The following RFTN1 variants were observed in gnomAD, a reference collection of about 807,000 sequenced individuals.
RFTN1 encodes raftlin, lipid raft linker 1.
RFTN1 carries 26 observed loss-of-function variants against 46.5 expected under a neutral mutation model. The ratio of observed to expected loss-of-function variants is 0.56; its 90% CI spans 0.41 to 0.78. The LOEUF (loss-of-function observed/expected upper bound fraction) is 0.78, where lower values mean the gene tolerates loss of function less well. Among genes scored for constraint, RFTN1 ranks in the 30% least tolerant of loss-of-function variants. The pLI is 0.00. For synonymous variants in RFTN1, 261 were observed against 284.2 expected, an observed-to-expected ratio of 0.92 and a Z score of 0.82; for missense variants, 693 against 718.7, an observed-to-expected ratio of 0.96 and a Z score of 0.41.
intron 2 of RFTN1, among the ~76,000 whole-genome samples, chr3:16,488,724 T>C (rs1575362761): frequency 6.6e-6 from 1 of 152,192 alleles, no homozygotes; most frequent in Non-Finnish European, 1.5e-5. Context: ...TTCGAATTCT[T>C]CCCCCAACCA....
Position 16,507,305 on chromosome 3 carries a change from G to A in RFTN1, c.-9+6137C>T, listed in dbSNP as rs1359940675. Among the ~76,000 whole-genome samples the A allele has an allele frequency of 1.3e-5, 2 of 152,076 alleles. No homozygotes were observed. The highest frequency in any genetic ancestry group is 3.8e-4 in the East Asian group (2 of 5,202). On this transcript the variant is annotated intron_variant, in intron 1 of 9. Transcript: ENST00000334133. This position sits in a 1 kb window ranked among gnomAD's most constrained non-coding sequence, Gnocchi z 7.1. ...AGTCATGATTATGCCACACTGAAAA[G>A]GGCACTTATAAGGTATCATAAGACA...
At position 16,479,683 on chromosome 3, in the gene RFTN1, C is replaced by T. The variant is rs1403346882; in HGVS notation, c.145+14042G>A. On this transcript the variant is annotated intron_variant, in intron 2 of 9. Coordinates refer to ENST00000334133, the MANE Select transcript of RFTN1 (RefSeq NM_015150.2). The surrounding 1 kb of genome is among the most constrained non-coding windows in gnomAD (Gnocchi z 5.1). ...ATCTATTAAGGCCTTAAAAGTTCAG[C>T]CTGTTGGCATCAGCAGCCCTGATGA... 1.3e-5 allele frequency among the ~76,000 whole-genome samples: 2 copies of T among 152,184 alleles called. No individual in the cohort carries two copies. Among genetic ancestry groups the T allele is most frequent in the Non-Finnish European group, 2.9e-5 (2 of 68,028 alleles).
At chr3:16,469,323 C>T (rs778551716) in intron 2 of RFTN1, among the ~76,000 whole-genome samples, 2 of 152,176 alleles carry the variant, frequency 1.3e-5, no homozygotes, top group East Asian at 1.9e-4. Context: ...CTATGTGAGT[C>T]GGTTGTTGTT....
Position 16,499,711 on chromosome 3 carries a change from G to A in RFTN1, c.-8-5834C>T, listed in dbSNP as rs2076680646. Among the ~76,000 whole-genome samples the A allele has an allele frequency of 6.6e-6, 1 of 152,212 alleles. No homozygotes were observed. Among genetic ancestry groups the A allele is most frequent in the African/African-American group, 2.4e-5 (1 of 41,456 alleles). ...AGTCTGCTCGAAATGACCATGGCCT[G>A]CCGCCTCCTTGGCACCTGCTGAAGT... is the stretch of plus-strand genomic sequence containing the variant. On this transcript the variant is annotated intron_variant, in intron 1 of 9. Transcript: ENST00000334133. This position sits in a 1 kb window ranked among gnomAD's most constrained non-coding sequence, Gnocchi z 4.9.
rs2075300785 is a variant in RFTN1 at position 16,426,995 on chromosome 3, GA to G, written c.332+6855del. On this transcript the variant is annotated intron_variant, in intron 3 of 9. Transcript: ENST00000334133. This position sits in a 1 kb window ranked among gnomAD's most constrained non-coding sequence, Gnocchi z 5.9. ...ACATCTAAAACACAATAACAGGAGA[GA>G]CTGAGATTCCAGCAATTGCTGTGTG... Among the ~76,000 whole-genome samples the G allele has an allele frequency of 6.6e-6, 1 of 152,128 alleles. No individual in the cohort carries two copies. Among genetic ancestry groups the G allele is most frequent in the African/African-American group, 2.4e-5 (1 of 41,410 alleles).
chr3:16,386,417 C>G (rs111396467), intron 4 of RFTN1, among the ~76,000 whole-genome samples: 6 of 152,292 alleles, frequency 3.9e-5, no homozygotes, highest in African/African-American at 1.4e-4. Flanking sequence ...TATTTTTCAT[C>G]CCTATCTTAC....
rs1207424702 is a variant in RFTN1, at chr3:16,450,877, T to C, written c.146-16840A>G. 6.6e-6 allele frequency among the ~76,000 whole-genome samples: 1 copy of C among 152,146 alleles called. No homozygotes were observed. The highest frequency in any genetic ancestry group is 1.5e-5 in the Non-Finnish European group (1 of 68,028). On this transcript the variant is annotated intron_variant, in intron 2 of 9. Coordinates refer to ENST00000334133, the MANE Select transcript of RFTN1 (RefSeq NM_015150.2). The surrounding 1 kb of genome is among the most constrained non-coding windows in gnomAD (Gnocchi z 4.6). ...ACAGCTCCTAGGTCTCTGGTTTGCA[T>C]GGACCTGAACAGATAGTGGTGACTT...
Position 16,504,777 on chromosome 3 carries a change from T to C in RFTN1, c.-9+8665A>G, listed in dbSNP as rs1410921301. ...TTCTCTCCAGCTCCAGGCAGACATC[T>C]CCAAGAACTGTTTCAACATCTCCAC... On this transcript the variant is annotated intron_variant, in intron 1 of 9. Transcript: ENST00000334133. This position sits in a 1 kb window ranked among gnomAD's most constrained non-coding sequence, Gnocchi z 4.4. 6.6e-6 allele frequency among the ~76,000 whole-genome samples: 1 copy of C among 152,144 alleles called. No individual in the cohort carries two copies. The highest frequency in any genetic ancestry group is 2.4e-5 in the African/African-American group (1 of 41,414).
chr3:16,495,124 A>T (rs559861700), intron 1 of RFTN1, among the ~76,000 whole-genome samples: 1 of 152,226 alleles, frequency 6.6e-6, no homozygotes, highest in South Asian at 2.1e-4. Context: ...AGGCTTACTT[A>T]TGCCTTAATA....
Position 16,457,881 on chromosome 3 carries a change from C to A in RFTN1, c.146-23844G>T, listed in dbSNP as rs1042883598. ...AGGTGCTTAGGTCATGAGGGCTCAG[C>A]CCTTATGAGTGGATTAATATCATTA... On this transcript the variant is annotated intron_variant, in intron 2 of 9. Coordinates refer to ENST00000334133, the MANE Select transcript of RFTN1 (RefSeq NM_015150.2). This position sits in a 1 kb window ranked among gnomAD's most constrained non-coding sequence, Gnocchi z 4.2. Among the ~76,000 whole-genome samples the A allele has an allele frequency of 2.0e-5, 3 of 152,082 alleles. No individual in the cohort carries two copies. The highest frequency in any genetic ancestry group is 7.2e-5 in the African/African-American group (3 of 41,388).
chr3:16,465,635 A>G lies in RFTN1; in HGVS notation c.145+28090T>C, dbSNP rs962755171. Among the ~76,000 whole-genome samples, 16 of 152,318 alleles carry G rather than the reference A, an allele frequency of 1.1e-4. No individual in the cohort carries two copies. The highest frequency in any genetic ancestry group is 8.3e-4 in the South Asian group (4 of 4,814). On this transcript the variant is annotated intron_variant, in intron 2 of 9. Transcript: ENST00000334133. The surrounding 1 kb of genome is among the most constrained non-coding windows in gnomAD (Gnocchi z 5.1). Reference sequence around the variant, plus strand: ...TGATGAGTGGTGCAATTTAGCCCCCATGTCAATTACGGATGCTAAAAATTT... The same window carrying G: ...TGATGAGTGGTGCAATTTAGCCCCCGTGTCAATTACGGATGCTAAAAATTT...
At chr3:16,379,781 ACCT>A (rs2073921153) in intron 4 of RFTN1, among the ~76,000 whole-genome samples, 1 of 152,224 alleles carries the variant, frequency 6.6e-6, no homozygotes, top group East Asian at 1.9e-4. Flanking sequence ...TATGATATCC[ACCT>A]ATGTTAAAAA....
chr3:16,404,359 T>A (rs1312154304), intron 4 of RFTN1, among the ~76,000 whole-genome samples: 1 of 33,684 alleles, frequency 3.0e-5, no homozygotes, highest in African/African-American at 2.5e-4. Flanking sequence ...ATAATATATA[T>A]ACACAATATA....
At position 16,473,143 on chromosome 3, in the gene RFTN1, A is replaced by T. The variant is rs1317933517; in HGVS notation, c.145+20582T>A. On this transcript the variant is annotated intron_variant, in intron 2 of 9. Coordinates refer to ENST00000334133, the MANE Select transcript of RFTN1 (RefSeq NM_015150.2). The surrounding 1 kb of genome is among the most constrained non-coding windows in gnomAD (Gnocchi z 5.3). Reference sequence around the variant, plus strand: ...GTACACACACGTACACACATACACAAACAGTACTTTCAGTCTGCAATTGCC... The same window carrying T: ...GTACACACACGTACACACATACACATACAGTACTTTCAGTCTGCAATTGCC... 1.3e-5 allele frequency among the ~76,000 whole-genome samples: 2 copies of T among 152,192 alleles called. No individual in the cohort carries two copies. Among genetic ancestry groups the T allele is most frequent in the Non-Finnish European group, 2.9e-5 (2 of 68,032 alleles).
Position 16,489,146 on chromosome 3 carries a change from G to C in RFTN1, c.145+4579C>G, listed in dbSNP as rs954964874. Among the ~76,000 whole-genome samples the C allele has an allele frequency of 4.6e-5, 7 of 152,178 alleles. No homozygotes were observed. Among genetic ancestry groups the C allele is most frequent in the African/African-American group, 1.7e-4 (7 of 41,424 alleles). ...AAAATCAGTGATGGAGGCCGGGTGA[G>C]GTGGCTCACACCTGTAATCCCGGCA... On this transcript the variant is annotated intron_variant, in intron 2 of 9. Coordinates refer to ENST00000334133, the MANE Select transcript of RFTN1 (RefSeq NM_015150.2). This position sits in a 1 kb window ranked among gnomAD's most constrained non-coding sequence, Gnocchi z 4.0.
chr3:16,359,696 C>G (rs190461497), intron 6 of RFTN1, among the ~76,000 whole-genome samples: 2 of 152,320 alleles, frequency 1.3e-5, no homozygotes, highest in African/African-American at 4.8e-5. Flanking sequence ...GTTGTTTAAG[C>G]CACGCAGTGT....
At position 16,361,015 on chromosome 3, in the gene RFTN1, T is replaced by C. The variant is rs2125339170; in HGVS notation, c.1031-2968A>G. ...AATTTGAGTTTTCTTTTATATCCTT[T>C]TCTGTGAGGTTATTAACAAGTTAAT... On this transcript the variant is annotated intron_variant, in intron 6 of 9. Coordinates refer to ENST00000334133, the MANE Select transcript of RFTN1 (RefSeq NM_015150.2). The surrounding 1 kb of genome is among the most constrained non-coding windows in gnomAD (Gnocchi z 4.3). 6.6e-6 allele frequency among the ~76,000 whole-genome samples: 1 copy of C among 152,352 alleles called. No homozygotes were observed. Among genetic ancestry groups the C allele is most frequent in the Non-Finnish European group, 1.5e-5 (1 of 68,040 alleles).
At chr3:16,445,499 A>T (rs2075712808) in intron 2 of RFTN1, among the ~76,000 whole-genome samples, 1 of 149,044 alleles carries the variant, frequency 6.7e-6, no homozygotes, top group African/African-American at 2.5e-5. Flanking sequence ...ACACACACAC[A>T]CACACACACA....
rs1403449010 is a variant in RFTN1 at position 16,327,239 on chromosome 3, C to T, written c.1147-363G>A. On this transcript the variant is annotated intron_variant, in intron 7 of 9. Transcript: ENST00000334133. The surrounding 1 kb of genome is among the most constrained non-coding windows in gnomAD (Gnocchi z 4.2). ...CCAGGGCATATAACTACACGTGCTGCTCTGAATGAGTTCAGAGCGTGTTGT... is the reference window on the plus strand; with the variant it reads ...CCAGGGCATATAACTACACGTGCTGTTCTGAATGAGTTCAGAGCGTGTTGT... Among the ~76,000 whole-genome samples the T allele has an allele frequency of 6.6e-6, 1 of 152,186 alleles. No individual in the cohort carries two copies. Among genetic ancestry groups the T allele is most frequent in the Non-Finnish European group, 1.5e-5 (1 of 68,036 alleles).
Sources: allele counts gnomAD v4.1 joint callset (sites outside exome capture counted in the v4.1 genomes callset), GRCh38; gene constraint gnomAD v4.1.1; non-coding constraint Gnocchi (gnomAD v3.1); transcripts MANE v1.5; gene names NCBI Gene and HGNC (gene_info 2026-07-23, HGNC 2026-07-21).